Variants in NPSR1 observed in about 807,000 individuals in gnomAD.
NPSR1 encodes the protein neuropeptide S receptor 1.
A neutral mutation model predicts 46.9 loss-of-function variants in NPSR1; 48 were observed. The ratio of observed to expected loss-of-function variants is 1.02; its 90% CI spans 0.81 to 1.30. The LOEUF is 1.30. Ranked by LOEUF, NPSR1 falls within the 50% of genes most tolerant of loss-of-function variation. NPSR1 has a pLI of 0.00. For synonymous variants in NPSR1, 176 were observed against 168.1 expected (o/e 1.05, Z -0.36); for missense variants, 450 against 449.5 (o/e 1.00, Z -0.01).
intron 2 of NPSR1, among the ~76,000 whole-genome samples, chr7:34,729,820 T>C (rs1204356824): frequency 1.3e-5 from 2 of 152,264 alleles, no homozygotes; most frequent in Non-Finnish European, 2.9e-5. Flanking sequence ...TCACCCAGGC[T>C]GGAGTGCAAT....
At chr7:34,751,956 C>T (rs1280821623) in intron 2 of NPSR1, 12 of 1,120,686 alleles carry the variant, frequency 1.1e-5, no homozygotes, top group East Asian at 7.1e-5. Context: ...GTGGGGGTGA[C>T]GTTTGCCCAG....
chr7:34,875,857 A>G (rs935067408), intron 8 of NPSR1, among the ~76,000 whole-genome samples: 7 of 152,132 alleles, frequency 4.6e-5, no homozygotes, highest in African/African-American at 1.7e-4. Flanking sequence ...TTAAGAGACA[A>G]AAGTCAAGGC....
chr7:34,872,871 C>A (rs1340988854), intron 8 of NPSR1, among the ~76,000 whole-genome samples: 1 of 151,836 alleles, frequency 6.6e-6, no homozygotes, highest in African/African-American at 2.4e-5. Context: ...ACCATATCAG[C>A]TAGCATGAAA....
intron 3 of NPSR1, among the ~76,000 whole-genome samples, chr7:34,808,745 T>C (rs1463548431): frequency 1.3e-5 from 2 of 152,196 alleles, no homozygotes; most frequent in East Asian, 3.8e-4. Flanking sequence ...AAATCATATT[T>C]ACAAAGTTCT....
intron 4 of NPSR1, among the ~76,000 whole-genome samples, chr7:34,824,857 G>A (rs547463074): frequency 4.6e-5 from 7 of 152,168 alleles, no homozygotes; most frequent in Non-Finnish European, 7.4e-5. Flanking sequence ...AACCCATCAG[G>A]CTTCACACCC....
rs2128765001 is a variant in NPSR1 at position 34,848,408 on chromosome 7, G to A, written c.845-75G>A. On this transcript the variant is annotated intron_variant, in intron 7 of 8. Transcript: ENST00000360581. ...GTCCCAAAGAACCTCTCAGGTAAAA[G>A]TCCAGTCAGGACCAACCAAAAGAGA... 4.6e-6 allele frequency: 6 copies of A among 1,303,060 alleles called. No individual in the cohort carries two copies. The East Asian group carries it at 1.2e-4, about 25-fold the overall frequency. 80.7% of individuals were successfully genotyped at this position (1,303,060 alleles called of 1,614,324 possible).
chr7:34,791,083 A>G (rs1434131645), intron 3 of NPSR1, among the ~76,000 whole-genome samples: 1 of 118,246 alleles, frequency 8.5e-6, no homozygotes, highest in East Asian at 2.1e-4. Flanking sequence ...TATATGTTAT[A>G]TGTTATATAT....
chr7:34,669,042 A>G (rs910936773), intron 1 of NPSR1, among the ~76,000 whole-genome samples: 3 of 152,166 alleles, frequency 2.0e-5, no homozygotes, highest in African/African-American at 7.2e-5. Context: ...ATAGTTAATA[A>G]TCCAAAAACT....
chr7:34,826,019 A>C (rs1015097287), intron 4 of NPSR1, among the ~76,000 whole-genome samples: 12 of 152,034 alleles, frequency 7.9e-5, no homozygotes, highest in Non-Finnish European at 1.5e-4. Flanking sequence ...TTAATTACTA[A>C]TTTTCATGTA....
At chr7:34,834,276 A>G (rs993127147) in intron 5 of NPSR1, 108 bp from the exon 6 acceptor site, 11 of 797,842 alleles carry the variant, frequency 1.4e-5, no homozygotes, top group Non-Finnish European at 2.0e-5. Context: ...TGGTTAAAAG[A>G]TCTGTCCCTT....
intron 3 of NPSR1, among the ~76,000 whole-genome samples, chr7:34,780,639 T>C (rs1787189469): frequency 6.6e-6 from 1 of 152,204 alleles, no homozygotes; most frequent in African/African-American, 2.4e-5. Flanking sequence ...GCTTGCATTA[T>C]TCTCAGCCCC....
intron 8 of NPSR1, among the ~76,000 whole-genome samples, chr7:34,861,248 C>A (rs1025688207): frequency 1.3e-5 from 2 of 151,942 alleles, no homozygotes; most frequent in Non-Finnish European, 2.9e-5. Flanking sequence ...TGAGTTTGAG[C>A]AACAAACAGC....
chr7:34,738,604 C>A (rs1784793797), intron 2 of NPSR1, among the ~76,000 whole-genome samples: 1 of 151,822 alleles, frequency 6.6e-6, no homozygotes, highest in Admixed American at 6.6e-5. Context: ...AATACTTTTT[C>A]AGCTGGCTTG....
At chr7:34,778,648 C>T in intron 3 of NPSR1, 83 bp downstream of exon 3, 1 of 872,552 alleles carries the variant, frequency 1.1e-6, no homozygotes, top group East Asian at 2.6e-5. Flanking sequence ...TCATATAAAA[C>T]CTTGCATTCC....
At chr7:34,867,355 G>A (rs1791336569) in intron 8 of NPSR1, among the ~76,000 whole-genome samples, 2 of 151,848 alleles carry the variant, frequency 1.3e-5, no homozygotes, top group South Asian at 4.1e-4. Flanking sequence ...TATCCCAGCT[G>A]ATGCCTCACA....
intron 3 of NPSR1, among the ~76,000 whole-genome samples, chr7:34,790,861 T>TATATATGTTATATGTTATATATC (rs1787752000): frequency 8.6e-6 from 1 of 115,816 alleles, no homozygotes; most frequent in African/African-American, 3.5e-5. Context: ...TATGTTATGT[T>TATATATGTTATATGTTATATATC]ATATATGTTA....
chr7:34,802,316 T>C (rs566465378), intron 3 of NPSR1, among the ~76,000 whole-genome samples: 128 of 150,262 alleles, frequency 8.5e-4, no homozygotes, highest in Non-Finnish European at 1.6e-3. Context: ...CTTCAAACTA[T>C]ACTACAAGGC....
chr7:34,848,679 G>T lies in NPSR1; in HGVS notation c.1025+16G>T. On this transcript the variant is annotated intron_variant, in intron 8 of 8. Coordinates refer to ENST00000360581, the MANE Select transcript of NPSR1 (RefSeq NM_207172.2). Reference sequence around the variant, plus strand: ...TCCCCTGCAGGTAAGGGGAGCTCTTGCATGGGTCAGACACACTGATGGCCA... The same window carrying T: ...TCCCCTGCAGGTAAGGGGAGCTCTTTCATGGGTCAGACACACTGATGGCCA... The T allele has an allele frequency of 6.2e-7, 1 of 1,610,402 alleles. No individual in the cohort carries two copies. The highest frequency in any genetic ancestry group is 1.7e-5 in the Admixed American group (1 of 59,992).
intron 4 of NPSR1, among the ~76,000 whole-genome samples, chr7:34,812,750 T>G (rs887623048): frequency 6.6e-6 from 1 of 152,208 alleles, no homozygotes; most frequent in African/African-American, 2.4e-5. Flanking sequence ...CTGTTCTCCC[T>G]TCCTCCAGAT....
Sources: gnomAD v4.1 joint callset for allele counts (sites outside exome capture counted in the v4.1 genomes callset) on GRCh38, gnomAD v4.1.1 for gene constraint, MANE v1.5 for transcripts, NCBI Gene and HGNC (gene_info 2026-07-23, HGNC 2026-07-21) for gene names.